PCDHGB3: variants seen among roughly 807,000 people sequenced by gnomAD.
PCDHGB3 encodes protocadherin gamma subfamily B, 3.
PCDHGB3 carries 40 observed loss-of-function variants against 59.2 expected under a neutral mutation model. That is an observed-to-expected ratio of 0.68 (90% CI 0.52 to 0.88). The LOEUF (loss-of-function observed/expected upper bound fraction) is 0.88, where lower values mean the gene tolerates loss of function less well. PCDHGB3 is among the 40% of genes least tolerant of loss of function. The pLI is 0.00. For synonymous variants in PCDHGB3, 581 were observed against 503.6 expected (o/e 1.15, Z -2.06); for missense variants, 1,309 against 1,187.9 (o/e 1.10, Z -1.50).
At chr5:141,388,742 G>C (rs1340234849) in intron 1 of PCDHGB3, 1 of 1,613,886 alleles carries the variant, frequency 6.2e-7, no homozygotes, top group Non-Finnish European at 8.5e-7. Context: ...AAGCTAGCCA[G>C]ATCACCCAAT....
At chr5:141,405,156 T>C in intron 1 of PCDHGB3, 1 of 1,614,042 alleles carries the variant, frequency 6.2e-7, no homozygotes, top group Non-Finnish European at 8.5e-7. Flanking sequence ...TTGGCTGGTG[T>C]GCCCACCTCA....
rs560733170 is a variant in PCDHGB3, at chr5:141,503,895, A to G, written c.2475-1498A>G. ...TTGTGCTCACCCACCATGACAAAATATGCACACACACAACGCAACACACAC... is the reference window on the plus strand; with the variant it reads ...TTGTGCTCACCCACCATGACAAAATGTGCACACACACAACGCAACACACAC... On this transcript the variant is annotated intron_variant, in intron 2 of 3. Transcript: ENST00000576222. Among the ~76,000 whole-genome samples, 12 of 152,302 alleles carry G rather than the reference A, an allele frequency of 7.9e-5. No individual in the cohort carries two copies. The South Asian group carries it at 2.1e-3, about 26-fold the overall frequency.
At chr5:141,437,668 G>A (rs72790049) in intron 1 of PCDHGB3, among the ~76,000 whole-genome samples, 16,651 of 151,822 alleles carry the variant, frequency 0.11, 1,007 homozygotes, top group African/African-American at 0.17. Context: ...TCGAAGAGAT[G>A]TTGATCAAAC....
intron 1 of PCDHGB3, chr5:141,400,570 T>C: frequency 6.2e-7 from 1 of 1,612,974 alleles, no homozygotes; most frequent in Non-Finnish European, 8.5e-7. Context: ...CACCCAATTT[T>C]CTGTATTTAC....
chr5:141,441,835 G>A (rs1423189098), intron 1 of PCDHGB3: 9 of 353,636 alleles, frequency 2.5e-5, no homozygotes, highest in Admixed American at 2.1e-4. Flanking sequence ...CAATGGCTTC[G>A]CGCTCTTGGA....
chr5:141,419,792 G>A (rs1379811891), intron 1 of PCDHGB3: 1 of 1,614,042 alleles, frequency 6.2e-7, no homozygotes, highest in African/African-American at 1.3e-5. Flanking sequence ...CCTGCTAGTC[G>A]CTGTAAGAGA....
At chr5:141,394,850 G>GC in intron 1 of PCDHGB3, 1 of 1,613,820 alleles carries the variant, frequency 6.2e-7, no homozygotes. Flanking sequence ...GCAGTCTGAA[G>GC]CCTTCGGTCG....
chr5:141,449,073 T>C (rs889880816), intron 1 of PCDHGB3, among the ~76,000 whole-genome samples: 1 of 152,246 alleles, frequency 6.6e-6, no homozygotes, highest in African/African-American at 2.4e-5. Flanking sequence ...TGAATAGCCC[T>C]GTACCTACAT....
At chr5:141,413,411 T>TC in intron 1 of PCDHGB3, 1 of 1,614,038 alleles carries the variant, frequency 6.2e-7, no homozygotes, top group Non-Finnish European at 8.5e-7. Flanking sequence ...ACGCAGCTTT[T>TC]CTCTCTGAAC....
intron 2 of PCDHGB3, among the ~76,000 whole-genome samples, chr5:141,500,008 C>T (rs1027220192): frequency 6.6e-6 from 1 of 151,770 alleles, no homozygotes; most frequent in African/African-American, 2.4e-5. Flanking sequence ...TTCATAAGGT[C>T]CACATTTTAT....
chr5:141,392,762 G>A lies in PCDHGB3; in HGVS notation c.2415+19953G>A, dbSNP rs1033759244. 8.8e-6 allele frequency: 13 copies of A among 1,478,030 alleles called. No individual in the cohort carries two copies. The African/African-American group carries it at 1.3e-4, about 14-fold the overall frequency. The allele number at this position is 1,478,030 out of a possible 1,614,324, so 91.6% of individuals were successfully genotyped here. ...ATAGCTGCGGCAAGAAACTAAATAA[G>A]ACCCATTTATGCACAGTGAAGATTC... On this transcript the variant is annotated intron_variant, in intron 1 of 3. Coordinates refer to ENST00000576222, the MANE Select transcript of PCDHGB3 (RefSeq NM_018924.5).
At position 141,476,321 on chromosome 5, in the gene PCDHGB3, G is replaced by A; in HGVS notation, c.2416-18486G>A. 1 of 1,614,196 alleles carries A rather than the reference G, an allele frequency of 6.2e-7. No homozygotes were observed. The highest frequency in any genetic ancestry group is 1.3e-5 in the African/African-American group (1 of 75,054). ...CCTCTCAGCCCGCAGGTTCCGGGTG[G>A]TGTCTGGAGCTAGCCGAAGATTCTT... On this transcript the variant is annotated intron_variant, in intron 1 of 3. Coordinates refer to ENST00000576222, the MANE Select transcript of PCDHGB3 (RefSeq NM_018924.5). The surrounding 1 kb of genome is among the most constrained non-coding windows in gnomAD (Gnocchi z 7.6).
chr5:141,372,115 T>C lies in PCDHGB3; in HGVS notation c.1721T>C (p.Leu574Pro). 1 of 1,613,758 alleles carries C rather than the reference T, an allele frequency of 6.2e-7. No homozygotes were observed. Among genetic ancestry groups the C allele is most frequent in the Non-Finnish European group, 8.5e-7 (1 of 1,179,936 alleles). The change falls in exon 1 of 4, where the codon CTC (leucine) becomes CCC (proline). Residue 574 changes from leucine to proline, a missense_variant. Physicochemically the swap from Leu to Pro is moderately conservative, Grantham distance 98 (BLOSUM62 -3). Transcript: ENST00000576222. ...GCTCTGGGGCCCGAAGGCTCTGCGC[T>C]CTTCGATATGGTGCCGCGCTCTGCA... ...YPALGPEGSA[L>P]FDMVPRSAEP...
chr5:141,390,340 A>T (rs762864171), intron 1 of PCDHGB3: 2 of 1,586,842 alleles, frequency 1.3e-6, no homozygotes, highest in South Asian at 2.3e-5. Context: ...CCATATTCAC[A>T]AGAAAATATA....
At chr5:141,488,198 GGACTC>G in intron 1 of PCDHGB3, among the ~76,000 whole-genome samples, 1 of 152,166 alleles carries the variant, frequency 6.6e-6, no homozygotes, top group Non-Finnish European at 1.5e-5. Context: ...CTGGGTCTTA[GGACTC>G]ATATCAAGTC....
chr5:141,395,886 C>A (rs538799478), intron 1 of PCDHGB3: 1 of 152,168 alleles, frequency 6.6e-6, no homozygotes, highest in East Asian at 1.9e-4. Context: ...TCAGTGGTCA[C>A]CTGGGCTCCA....
intron 1 of PCDHGB3, among the ~76,000 whole-genome samples, chr5:141,445,892 T>C (rs2154561169): frequency 6.6e-6 from 1 of 152,346 alleles, no homozygotes; most frequent in African/African-American, 2.4e-5. Context: ...TTAGGAGCTA[T>C]TAAAATATTT....
rs763187246 is a variant in PCDHGB3 at position 141,477,168 on chromosome 5, A to G, written c.2416-17639A>G. ...GTGGATGTGAATGACAACGCCCCGGAGATCACAGTCACCTCCGTGTACAGC... is the reference window on the plus strand; with the variant it reads ...GTGGATGTGAATGACAACGCCCCGGGGATCACAGTCACCTCCGTGTACAGC... On this transcript the variant is annotated intron_variant, in intron 1 of 3. Transcript: ENST00000576222. The surrounding 1 kb of genome is among the most constrained non-coding windows in gnomAD (Gnocchi z 4.9). The G allele has an allele frequency of 6.2e-7, 1 of 1,614,210 alleles. No homozygotes were observed. Among genetic ancestry groups the G allele is most frequent in the Non-Finnish European group, 8.5e-7 (1 of 1,180,040 alleles).
chr5:141,429,583 T>A (rs2097226045), intron 1 of PCDHGB3, among the ~76,000 whole-genome samples: 2 of 152,218 alleles, frequency 1.3e-5, no homozygotes, highest in South Asian at 4.1e-4. Flanking sequence ...TTACTTTTGA[T>A]TCTTGTAATT....
Sources: allele counts gnomAD v4.1 joint callset (sites outside exome capture counted in the v4.1 genomes callset), GRCh38; gene constraint gnomAD v4.1.1; non-coding constraint Gnocchi (gnomAD v3.1); transcripts MANE v1.5; gene names NCBI Gene and HGNC (gene_info 2026-07-23, HGNC 2026-07-21).